The following TMEM212 variants were observed in gnomAD, a reference collection of about 807,000 sequenced individuals.
The protein encoded by TMEM212 is transmembrane protein 212.
A neutral mutation model predicts 20.5 loss-of-function variants in TMEM212; 23 were observed. That is an observed-to-expected ratio of 1.12 (90% CI 0.81 to 1.59). TMEM212 has a LOEUF of 1.59. Ranked by LOEUF, TMEM212 falls within the 40% of genes most tolerant of loss-of-function variation. TMEM212 has a pLI of 0.00. For synonymous variants in TMEM212, 76 were observed against 81.6 expected, an observed-to-expected ratio of 0.93 and a Z score of 0.37; for missense variants, 211 against 215.0, an observed-to-expected ratio of 0.98 and a Z score of 0.12.
chr3:171,852,982 G>A (rs1725019877), intron 2 of TMEM212, among the ~76,000 whole-genome samples: 3 of 152,226 alleles, frequency 2.0e-5, no homozygotes, highest in Admixed American at 1.3e-4. Context: ...ACCACATCCT[G>A]AGTAGCTGAG....
intron 1 of TMEM212, 24 bp downstream of exon 1, chr3:171,843,566 T>C (rs989975552): frequency 4.0e-6 from 6 of 1,503,162 alleles, no homozygotes; most frequent in Non-Finnish European, 5.3e-6. Flanking sequence ...TTATTAAATA[T>C]ATTGAGAAAA....
chr3:171,847,608 T>C (rs747917123), intron 1 of TMEM212, among the ~76,000 whole-genome samples: 2 of 152,192 alleles, frequency 1.3e-5, no homozygotes, highest in Non-Finnish European at 2.9e-5. Context: ...AACAAGGTTC[T>C]AGTCCAAGCA....
At position 171,859,089 on chromosome 3, in the gene TMEM212, G is replaced by A. The variant is rs1294452069; in HGVS notation, c.*1032G>A. 1 of 152,124 alleles carries A rather than the reference G, an allele frequency of 6.6e-6. No homozygotes were observed. Among genetic ancestry groups the A allele is most frequent in the Non-Finnish European group, 1.5e-5 (1 of 68,044 alleles). 9.4% of individuals were successfully genotyped at this position (152,124 alleles called of 1,614,324 possible). A position where few individuals can be genotyped will look rare whatever the true frequency, so the allele number is the denominator to read the frequency against. ...ACCACATGTTCTCACTCATAGGTGG[G>A]AATTGAACAATGGGAACACTTGGAC... On this transcript the variant is annotated 3_prime_UTR_variant, in exon 5 of 5. Coordinates refer to ENST00000334567, the MANE Select transcript of TMEM212 (RefSeq NM_001164436.2).
rs773867664 is a variant in TMEM212, at chr3:171,853,567, G to A, written c.260G>A (p.Gly87Glu). 1.6e-5 allele frequency: 25 copies of A among 1,537,114 alleles called. No homozygotes were observed. The highest frequency in any genetic ancestry group is 2.0e-5 in the Non-Finnish European group (23 of 1,146,838). ...ACCTTTGTGATTCTGAGCATTATGG[G>A]ATGTCCACTTCATTTTGCAATAGCC... ...TFTFVILSIMGCPLHFAIALE... is the reference protein window; with the variant it reads ...TFTFVILSIMECPLHFAIALE... Residue 87 changes from glycine to glutamate, a missense_variant, in exon 3 of 5, where the codon GGA becomes GAA. Transcript: ENST00000334567.
At chr3:171,855,646 G>T (rs1307396400) in intron 3 of TMEM212, among the ~76,000 whole-genome samples, 1 of 152,094 alleles carries the variant, frequency 6.6e-6, no homozygotes, top group Non-Finnish European at 1.5e-5. Context: ...ACACATAAAA[G>T]CATACAGATA....
At chr3:171,856,290 G>A (rs1578520514) in intron 3 of TMEM212, among the ~76,000 whole-genome samples, 1 of 152,168 alleles carries the variant, frequency 6.6e-6, no homozygotes, top group African/African-American at 2.4e-5. Context: ...AAGACTCACA[G>A]CTCACTACTA....
At chr3:171,848,800 A>G (rs1724900063) in intron 1 of TMEM212, among the ~76,000 whole-genome samples, 1 of 152,054 alleles carries the variant, frequency 6.6e-6, no homozygotes, top group Non-Finnish European at 1.5e-5. Context: ...TAACTATGAC[A>G]TAAAATGTAT....
chr3:171,851,791 A>T (rs1424325119), intron 1 of TMEM212, among the ~76,000 whole-genome samples, 191 bp from the exon 2 acceptor site: 1 of 152,270 alleles, frequency 6.6e-6, no homozygotes, highest in Non-Finnish European at 1.5e-5. Flanking sequence ...TCTTTATGAC[A>T]CTAATGGCTT....
intron 1 of TMEM212, among the ~76,000 whole-genome samples, chr3:171,845,139 T>TGC (rs1724803139): frequency 6.6e-6 from 1 of 152,208 alleles, no homozygotes; most frequent in Non-Finnish European, 1.5e-5. Context: ...GTTTAAGTTC[T>TGC]ACTGGAATGC....
At chr3:171,857,661 T>C (rs529009672) in intron 4 of TMEM212, among the ~76,000 whole-genome samples, 1 of 152,238 alleles carries the variant, frequency 6.6e-6, no homozygotes, top group South Asian at 2.1e-4. Context: ...ATCCAAAATA[T>C]ATAAGGAACT....
chr3:171,857,617 A>C (rs910193698), intron 4 of TMEM212, among the ~76,000 whole-genome samples: 5 of 152,292 alleles, frequency 3.3e-5, no homozygotes, highest in Admixed American at 6.5e-5. Context: ...CAGCTTACAG[A>C]ATTTTCAAAC....
intron 3 of TMEM212, 29 bp downstream of exon 3, chr3:171,853,879 C>G (rs1375999861): frequency 6.7e-7 from 1 of 1,483,082 alleles, no homozygotes; most frequent in Non-Finnish European, 9.1e-7. Flanking sequence ...GAGGCAGGTT[C>G]TTGTTCCATC....
intron 1 of TMEM212, among the ~76,000 whole-genome samples, chr3:171,848,441 T>C (rs1724887090): frequency 2.0e-5 from 3 of 152,292 alleles, no homozygotes; most frequent in African/African-American, 7.2e-5. Flanking sequence ...CCCTTACCAC[T>C]TGCCATCACT....
At position 171,851,989 on chromosome 3, in the gene TMEM212, C is replaced by T. The variant is rs1169506986; in HGVS notation, c.167C>T (p.Thr56Ile). ...CPIWNGALAI[T>I]TGVLLLLAYR... ...TCCATTTTCTTGTCACAGGCCATCA[C>T]AACTGGTGTGCTTCTACTGTTGGCT... is the stretch of plus-strand genomic sequence containing the variant. Residue 56 changes from threonine (T) to isoleucine (I), a missense_variant, in exon 2 of 5, where the codon ACA (threonine) becomes ATA (isoleucine). Coordinates refer to ENST00000334567, the MANE Select transcript of TMEM212 (RefSeq NM_001164436.2). 4 of 1,537,012 alleles carry T rather than the reference C, an allele frequency of 2.6e-6. No individual in the cohort carries two copies. Among genetic ancestry groups the T allele is most frequent in the Non-Finnish European group, 3.5e-6 (4 of 1,146,706 alleles).
At position 171,856,462 on chromosome 3, in the gene TMEM212, CA is replaced by C. The variant is rs748428155; in HGVS notation, c.544-200del. On this transcript the variant is annotated intron_variant, in intron 3 of 4. Coordinates refer to ENST00000334567, the MANE Select transcript of TMEM212 (RefSeq NM_001164436.2). ...ACCAAATGAACCACCCCAGGTGAAGCAGTTAATATCCTTCATATGCAAGCCA... is the reference window on the plus strand; with the variant it reads ...ACCAAATGAACCACCCCAGGTGAAGCGTTAATATCCTTCATATGCAAGCCA... 5.3e-5 allele frequency among the ~76,000 whole-genome samples: 8 copies of C among 152,306 alleles called. No individual in the cohort carries two copies. In the South Asian group the frequency reaches 1.2e-3, roughly 24 times the overall value.
chr3:171,858,788 C>T lies in TMEM212; in HGVS notation c.*731C>T, dbSNP rs541274461. ...GACATGGACACTTCTCAAAAGAAGA[C>T]ATTTATGAAGCCAACAGACACACAT... On this transcript the variant is annotated 3_prime_UTR_variant, in exon 5 of 5. Coordinates refer to ENST00000334567, the MANE Select transcript of TMEM212 (RefSeq NM_001164436.2). The T allele has an allele frequency of 7.9e-5, 12 of 152,244 alleles. No individual in the cohort carries two copies. Among genetic ancestry groups the T allele is most frequent in the African/African-American group, 1.9e-4 (8 of 41,556 alleles). The allele number at this position is 152,244 out of a possible 1,614,324, so 9.4% of individuals were successfully genotyped here. A position where few individuals can be genotyped will look rare whatever the true frequency, so the allele number is the denominator to read the frequency against.
intron 4 of TMEM212, 35 bp downstream of exon 4, chr3:171,856,742 C>A: frequency 4.7e-6 from 3 of 636,532 alleles, no homozygotes; most frequent in Non-Finnish European, 8.5e-6. Context: ...GGCCTGGGAC[C>A]AGAATATAAA....
chr3:171,848,580 G>GATAGGATAGAATAGAATAGA (rs1724891426), intron 1 of TMEM212, among the ~76,000 whole-genome samples: 1 of 144,528 alleles, frequency 6.9e-6, no homozygotes, highest in Non-Finnish European at 1.5e-5. Context: ...AATAGAATAG[G>GATAGGATAGAATAGAATAGA]ATAGAATAGA....
chr3:171,850,996 T>A (rs376617097), intron 1 of TMEM212, among the ~76,000 whole-genome samples: 8 of 152,214 alleles, frequency 5.3e-5, no homozygotes, highest in Non-Finnish European at 7.4e-5. Context: ...CACAACCATG[T>A]GGGTAAAAAT....
Sources: gnomAD v4.1 joint callset for allele counts (sites outside exome capture counted in the v4.1 genomes callset) on GRCh38, gnomAD v4.1.1 for gene constraint, MANE v1.5 for transcripts, NCBI Gene and HGNC (gene_info 2026-07-23, HGNC 2026-07-21) for gene names.